Variants in GNAS observed in about 807,000 individuals in gnomAD.
The protein encoded by GNAS is GNAS complex locus, also known as protein ALEX.
GNAS carries 8 observed loss-of-function variants against 54.5 expected under a neutral mutation model. The observed-to-expected ratio is 0.15, with a 90% CI of 0.09 to 0.26. The LOEUF is 0.26. GNAS is among the 10% of genes least tolerant of loss of function. The pLI is 1.00. For synonymous variants in GNAS, 204 were observed against 191.4 expected (o/e 1.07, Z -0.54); for missense variants, 170 against 529.8 (o/e 0.32, Z 6.67).
intron 1 of GNAS, among the ~76,000 whole-genome samples, chr20:58,859,864 T>C (rs1337114522): frequency 2.6e-5 from 4 of 151,582 alleles, no homozygotes; most frequent in African/African-American, 9.7e-5. Context: ...GACCTCGTGA[T>C]CCGCCCGCCT....
At chr20:58,840,235 C>T (rs747808766), upstream of GNAS, 2 of 1,611,074 alleles carry the variant, frequency 1.2e-6, no homozygotes, top group South Asian at 1.1e-5. The surrounding 1 kb of genome is among the most constrained non-coding windows in gnomAD (Gnocchi z 6.0). Context: ...CGCTCCTCCG[C>T]GCCCTTGCCA....
upstream of GNAS, among the ~76,000 whole-genome samples, chr20:58,889,708 C>T (rs929068738): frequency 1.3e-5 from 2 of 151,276 alleles, no homozygotes; most frequent in African/African-American, 4.8e-5. Context: ...AGGCAGCCAG[C>T]CCAGCAGCCC....
chr20:58,852,870 TG>T, intron 1 of GNAS: 1 of 336,878 alleles, frequency 3.0e-6, no homozygotes, highest in Non-Finnish European at 4.7e-6. Context: ...CGGCGTCCTC[TG>T]GTGGCAGAGA....
chr20:58,843,627 T>C (rs1393208461), intron 1 of GNAS, among the ~76,000 whole-genome samples: 1 of 152,200 alleles, frequency 6.6e-6, no homozygotes, highest in Non-Finnish European at 1.5e-5. Context: ...CCAGCCACTT[T>C]TAATATTTCA....
intron 1 of GNAS, chr20:58,854,318 A>AC: frequency 6.3e-7 from 1 of 1,597,968 alleles, no homozygotes; most frequent in Non-Finnish European, 8.5e-7. Flanking sequence ...GAGCAGAGAG[A>AC]CCCCCAGTTG....
intron 1 of GNAS, among the ~76,000 whole-genome samples, chr20:58,877,633 G>T (rs1003772405): frequency 2.6e-5 from 4 of 152,238 alleles, no homozygotes; most frequent in African/African-American, 9.6e-5. Flanking sequence ...CAGGACTGAT[G>T]CTCTGATGGG....
intron 1 of GNAS, chr20:58,852,744 G>A (rs765317153): frequency 1.9e-5 from 4 of 214,280 alleles, no homozygotes; most frequent in Non-Finnish European, 3.8e-5. Flanking sequence ...GGAGAGGAGT[G>A]GAAGGAGCCA....
In GNAS at chr20:58,891,526, G is replaced by C; in HGVS notation, c.-201G>C. On this transcript the variant is annotated 5_prime_UTR_variant, in exon 1 of 13. Coordinates refer to ENST00000371085, the MANE Select transcript of GNAS (RefSeq NM_000516.7). The stretch of plus-strand genomic sequence containing the variant: ...GGGAGCTGCGCGCGCCCCTCGGTCC[G>C]ACCGACACCCTCCCCTTCCCGCCCG... The C allele has an allele frequency of 2.0e-6, 2 of 975,728 alleles. No homozygotes were observed. The allele number at this position is 975,728 out of a possible 1,614,324, so 60.4% of individuals were successfully genotyped here.
At chr20:58,905,301 C>G in intron 5 of GNAS, 82 bp from the exon 6 acceptor site, 1 of 839,620 alleles carries the variant, frequency 1.2e-6, no homozygotes, top group Admixed American at 1.7e-5. Flanking sequence ...ATAGGGAACT[C>G]TGGTCTCAGG....
At position 58,873,870 on chromosome 20, in the gene GNAS, AGGAAAGAT is replaced by A. The variant is rs2087623257; in HGVS notation, c.44-21733_44-21726del. Among the ~76,000 whole-genome samples the A allele has an allele frequency of 6.6e-6, 1 of 152,370 alleles. No individual in the cohort carries two copies. The highest frequency in any genetic ancestry group is 2.4e-5 in the African/African-American group (1 of 41,584). On this transcript the variant is annotated intron_variant, in intron 1 of 12. Coordinates refer to the GNAS transcript ENST00000306090. The surrounding 1 kb of genome is among the most constrained non-coding windows in gnomAD (Gnocchi z 4.3). ...TAAGCGATTACACAGGGAATAAATA[AGGAAAGAT>A]GGAAAGATTGTCAACCAAAAGACTT...
rs538459358 is a variant in GNAS, at chr20:58,875,689, C to T, written c.44-19923C>T. Among the ~76,000 whole-genome samples, 6 of 152,304 alleles carry T rather than the reference C, an allele frequency of 3.9e-5. No individual in the cohort carries two copies. The East Asian group carries it at 9.7e-4, about 25-fold the overall frequency. On this transcript the variant is annotated intron_variant, in intron 1 of 12. Transcript: ENST00000306090. ...TATTCTGCCTGGCAGCGGGGTGCCC[C>T]CCCCACCCCATTCAGTGGCAGTCAG...
At chr20:58,845,822 G>A (rs960353742) in intron 1 of GNAS, among the ~76,000 whole-genome samples, 12 of 152,192 alleles carry the variant, frequency 7.9e-5, no homozygotes, top group African/African-American at 1.9e-4. Flanking sequence ...CCTGCAATGC[G>A]GGGCCACCAT....
At chr20:58,892,241 T>G (rs1331854691) in intron 1 of GNAS, 6 of 922,224 alleles carry the variant, frequency 6.5e-6, no homozygotes, top group East Asian at 1.3e-4. Flanking sequence ...GGGGAGCCCA[T>G]GGGGCTCCGG....
chr20:58,907,638 G>T (rs1191065231), intron 6 of GNAS, among the ~76,000 whole-genome samples: 2 of 152,084 alleles, frequency 1.3e-5, no homozygotes, highest in South Asian at 2.1e-4. Context: ...AGTTTTTGGG[G>T]TTTTTTTAAG....
At chr20:58,866,929 C>A (rs115748581) in intron 1 of GNAS, among the ~76,000 whole-genome samples, 2,422 of 152,204 alleles carry the variant, frequency 0.016, 68 homozygotes, top group African/African-American at 0.055. Context: ...ATCAGGATTT[C>A]TTTAGGGGAA....
chr20:58,853,521 A>G lies in GNAS; in HGVS notation c.43+12635A>G, dbSNP rs993728561. Reference sequence around the variant, plus strand: ...CTTTCAGGTCCTCAACCCGGCATTCAGGGAAGCTGGAGCCCATGGAAGCTA... The same window carrying G: ...CTTTCAGGTCCTCAACCCGGCATTCGGGGAAGCTGGAGCCCATGGAAGCTA... On this transcript the variant is annotated intron_variant, in intron 1 of 12. Transcript: ENST00000306090. This position sits in a 1 kb window ranked among gnomAD's most constrained non-coding sequence, Gnocchi z 4.4. 6.2e-7 allele frequency: 1 copy of G among 1,613,268 alleles called. No homozygotes were observed.
At chr20:58,891,991 CTCTG>C (rs1300387980) in intron 1 of GNAS, 126 bp downstream of exon 1, 19 of 760,470 alleles carry the variant, frequency 2.5e-5, no homozygotes, top group South Asian at 5.9e-5. Context: ...CGTTCGCGGG[CTCTG>C]TCTGTGGGGG....
intron 1 of GNAS, among the ~76,000 whole-genome samples, chr20:58,864,989 T>A (rs2086971966): frequency 6.6e-6 from 1 of 151,924 alleles, no homozygotes; most frequent in East Asian, 1.9e-4. Flanking sequence ...TCTCTCTCTC[T>A]CTCTGACAAC....
intron 1 of GNAS, chr20:58,854,924 C>A: frequency 6.2e-7 from 1 of 1,600,968 alleles, no homozygotes; most frequent in Non-Finnish European, 8.5e-7. Flanking sequence ...CCTGGCGGGG[C>A]AAGTCCGAGA....
Sources: gnomAD v4.1 joint callset for allele counts (sites outside exome capture counted in the v4.1 genomes callset) on GRCh38, gnomAD v4.1.1 for gene constraint, Gnocchi (gnomAD v3.1) non-coding constraint, MANE v1.5 for transcripts, NCBI Gene and HGNC (gene_info 2026-07-23, HGNC 2026-07-21) for gene names.